Variants in KCNIP4 observed in about 807,000 individuals in gnomAD.
The protein encoded by KCNIP4 is Kv channel-interacting protein 4.
In KCNIP4, 12 loss-of-function variants were observed where a neutral mutation model predicts 34.0. The ratio of observed to expected loss-of-function variants is 0.35; its 90% confidence interval spans 0.23 to 0.57. The LOEUF (loss-of-function observed/expected upper bound fraction) is 0.57. Ranked by LOEUF, KCNIP4 falls within the 20% of genes least tolerant of loss-of-function variation. The probability of loss-of-function intolerance (pLI) is 0.83; values close to 1 mark genes in which losing one functional copy is unlikely to be tolerated. For synonymous variants in KCNIP4, 124 were observed against 102.2 expected, an observed-to-expected ratio of 1.21 and a Z score of -1.29; for missense variants, 238 against 311.7, an observed-to-expected ratio of 0.76 and a Z score of 1.78.
chr4:21,252,804 T>C (rs1760812031), intron 1 of KCNIP4, among the ~76,000 whole-genome samples: 1 of 150,136 alleles, frequency 6.7e-6, no homozygotes, highest in Non-Finnish European at 1.5e-5. Flanking sequence ...AACCTTGTAA[T>C]GAGAGGGCAG....
intron 3 of KCNIP4, among the ~76,000 whole-genome samples, chr4:20,814,948 C>T (rs2149437599): frequency 1.3e-5 from 2 of 152,298 alleles, no homozygotes; most frequent in East Asian, 3.9e-4. Flanking sequence ...CATTCTGCTT[C>T]TGGGTTCCAT....
At chr4:21,176,773 G>A (rs1214810852) in intron 1 of KCNIP4, among the ~76,000 whole-genome samples, 70 of 152,160 alleles carry the variant, frequency 4.6e-4, no homozygotes, top group Non-Finnish European at 2.8e-4. Context: ...CACCCACCTC[G>A]GCCTCCCAAA....
rs377380164 is a variant in KCNIP4 at position 21,489,782 on chromosome 4, A to AT, written c.61+458788dup. Reference sequence around the variant, plus strand: ...ACTGGTTAGACTCAGAATACAGACAATTTTTTATCACTGGGAGTCTTTAAT... The same window carrying AT: ...ACTGGTTAGACTCAGAATACAGACAATTTTTTTATCACTGGGAGTCTTTAAT... On this transcript the variant is annotated intron_variant, in intron 1 of 8. Transcript: ENST00000382152. 8.0e-3 allele frequency among the ~76,000 whole-genome samples: 1,225 copies of AT among 152,214 alleles called. 13 individuals carry two copies. The highest frequency in any genetic ancestry group is 0.028 in the African/African-American group (1,179 of 41,554).
intron 1 of KCNIP4, among the ~76,000 whole-genome samples, chr4:21,695,651 C>G (rs1458158483): frequency 6.6e-6 from 1 of 152,036 alleles, no homozygotes; most frequent in African/African-American, 2.4e-5. Flanking sequence ...TCGTAAAATT[C>G]TTTGAAATCA....
Position 21,113,668 on chromosome 4 carries a change from A to C in KCNIP4, c.62-230959T>G, listed in dbSNP as rs573581830. Among the ~76,000 whole-genome samples the C allele has an allele frequency of 5.9e-5, 9 of 152,270 alleles. No homozygotes were observed. In the South Asian group the frequency reaches 6.2e-4, roughly 11 times the overall value. On this transcript the variant is annotated intron_variant, in intron 1 of 8. Transcript: ENST00000382152. The stretch of plus-strand genomic sequence containing the variant: ...AGCCCATGTGCAAGCATTAGCAACT[A>C]TTCTGGGATTGAATCCAAATTTGAG...
chr4:21,734,716 T>C lies in KCNIP4; in HGVS notation c.61+213855A>G, dbSNP rs137920572. Among the ~76,000 whole-genome samples the C allele has an allele frequency of 1.9e-3, 282 of 152,250 alleles. 1 individual carries two copies. Among genetic ancestry groups the C allele is most frequent in the African/African-American group, 6.2e-3 (259 of 41,558 alleles). On this transcript the variant is annotated intron_variant, in intron 1 of 8. Coordinates refer to ENST00000382152, the MANE Select transcript of KCNIP4 (RefSeq NM_025221.6). ...TAGATTATTTACATAAGGAAATGTATGATAAAATTTCAAAAATACAACAGA... is the reference window on the plus strand; with the variant it reads ...TAGATTATTTACATAAGGAAATGTACGATAAAATTTCAAAAATACAACAGA...
intron 3 of KCNIP4, among the ~76,000 whole-genome samples, chr4:20,818,653 C>T (rs1388785145): frequency 6.6e-6 from 1 of 152,104 alleles, no homozygotes; most frequent in Non-Finnish European, 1.5e-5. Context: ...GTACTGACAC[C>T]TGAAAAATCT....
chr4:21,195,364 T>A (rs1309292615), intron 1 of KCNIP4, among the ~76,000 whole-genome samples: 1 of 152,212 alleles, frequency 6.6e-6, no homozygotes, highest in African/African-American at 2.4e-5. Context: ...GTCAGCAGGC[T>A]TCTAAAGTTT....
chr4:21,231,839 C>G (rs570034641), intron 1 of KCNIP4, among the ~76,000 whole-genome samples: 1 of 152,150 alleles, frequency 6.6e-6, no homozygotes, highest in East Asian at 1.9e-4. Flanking sequence ...TTTGTGGAAG[C>G]TTTGGTCTAT....
At chr4:20,960,325 G>A (rs1733726877) in intron 1 of KCNIP4, among the ~76,000 whole-genome samples, 1 of 152,196 alleles carries the variant, frequency 6.6e-6, no homozygotes, top group African/African-American at 2.4e-5. Context: ...AGAAGAGGTG[G>A]ATATGGTTGG....
intron 1 of KCNIP4, among the ~76,000 whole-genome samples, chr4:20,929,727 T>C (rs569337542): frequency 1.3e-5 from 2 of 152,140 alleles, no homozygotes; most frequent in Middle Eastern, 3.4e-3. Context: ...GTAGCATTTT[T>C]ATACACTAAT....
chr4:20,971,309 T>G (rs201277219), intron 1 of KCNIP4, among the ~76,000 whole-genome samples: 2 of 152,156 alleles, frequency 1.3e-5, no homozygotes, highest in East Asian at 3.9e-4. Flanking sequence ...CAGACAAGTA[T>G]GTTGATTTAA....
chr4:21,936,517 G>C (rs1197117004), intron 1 of KCNIP4, among the ~76,000 whole-genome samples: 1 of 151,974 alleles, frequency 6.6e-6, no homozygotes, highest in Admixed American at 6.6e-5. Context: ...GCACAGGATG[G>C]GTTGTTATAT....
chr4:21,455,517 A>G (rs746710389), intron 1 of KCNIP4, among the ~76,000 whole-genome samples: 45 of 151,960 alleles, frequency 3.0e-4, no homozygotes, highest in Non-Finnish European at 5.0e-4. Context: ...GATTTATACA[A>G]CAGATATATA....
intron 2 of KCNIP4, among the ~76,000 whole-genome samples, chr4:20,881,218 T>C (rs1724645560): frequency 6.6e-6 from 1 of 152,214 alleles, no homozygotes; most frequent in Non-Finnish European, 1.5e-5. Flanking sequence ...TTGAAACAAA[T>C]TGCTATTCTA....
chr4:21,067,212 C>T (rs566226780), intron 1 of KCNIP4, among the ~76,000 whole-genome samples: 58 of 152,186 alleles, frequency 3.8e-4, no homozygotes, highest in Middle Eastern at 6.8e-3. Flanking sequence ...ATTATCTTCT[C>T]GCTAAAGAAC....
intron 1 of KCNIP4, among the ~76,000 whole-genome samples, chr4:21,077,791 T>A (rs1191692929): frequency 1.3e-5 from 2 of 152,132 alleles, no homozygotes; most frequent in Non-Finnish European, 2.9e-5. Context: ...TATAATGTAA[T>A]AATTGTTATT....
At chr4:21,921,272 T>G (rs1728926267) in intron 1 of KCNIP4, among the ~76,000 whole-genome samples, 1 of 152,154 alleles carries the variant, frequency 6.6e-6, no homozygotes, top group East Asian at 1.9e-4. Context: ...TCTTGGTGCT[T>G]TTGCTGTGTC....
At chr4:20,811,203 A>G (rs1715707964) in intron 3 of KCNIP4, among the ~76,000 whole-genome samples, 2 of 152,186 alleles carry the variant, frequency 1.3e-5, no homozygotes. Context: ...ATAGGGAAAA[A>G]ACTCCCTATC....
Sources: gnomAD v4.1 joint callset for allele counts (sites outside exome capture counted in the v4.1 genomes callset) on GRCh38, gnomAD v4.1.1 for gene constraint, MANE v1.5 for transcripts, NCBI Gene and HGNC (gene_info 2026-07-23, HGNC 2026-07-21) for gene names.